DYM: variants seen among roughly 807,000 people sequenced by gnomAD.
DYM encodes the protein dyggve-Melchior-Clausen syndrome protein.
In DYM, 78 loss-of-function variants were observed where a neutral mutation model predicts 93.1. The ratio of observed to expected loss-of-function variants is 0.84; its 90% CI spans 0.70 to 1.01. The LOEUF (loss-of-function observed/expected upper bound fraction) is 1.01, where lower values mean the gene tolerates loss of function less well. Among genes scored for constraint, DYM ranks in the 50% least tolerant of loss-of-function variants. The pLI is 0.00. For synonymous variants in DYM, 321 were observed against 319.7 expected (o/e 1.00, Z -0.04); for missense variants, 789 against 845.0 (o/e 0.93, Z 0.82).
At chr18:49,317,697 CTT>C (rs2062122176) in intron 8 of DYM, among the ~76,000 whole-genome samples, 1 of 145,132 alleles carries the variant, frequency 6.9e-6, no homozygotes, top group Admixed American at 7.1e-5. Context: ...TCCTTTCTTT[CTT>C]TCTTTCAAGC....
intron 13 of DYM, among the ~76,000 whole-genome samples, chr18:49,220,340 T>G (rs1334238277): frequency 1.3e-5 from 2 of 148,800 alleles, no homozygotes; most frequent in Non-Finnish European, 3.0e-5. Flanking sequence ...CAAGGTAATT[T>G]ACAGATTCAA....
chr18:49,314,263 G>T (rs1367361201), intron 8 of DYM, among the ~76,000 whole-genome samples: 1 of 152,154 alleles, frequency 6.6e-6, no homozygotes, highest in African/African-American at 2.4e-5. Context: ...TTTTCAAGCT[G>T]CTTTTCACTC....
chr18:49,393,103 A>AG (rs2069575146), intron 2 of DYM, among the ~76,000 whole-genome samples: 28 of 1,986 alleles, frequency 0.014, 3 homozygotes, highest in South Asian at 0.083. Flanking sequence ...GAAGGAAGGA[A>AG]GGAAGGAAGG....
intron 17 of DYM, among the ~76,000 whole-genome samples, chr18:49,067,403 TGTG>T (rs2076528502): frequency 5.9e-4 from 1 of 1,692 alleles, no homozygotes; most frequent in Non-Finnish European, 9.8e-4. Flanking sequence ...AGTAGGGTGA[TGTG>T]AGTGTTATGG....
chr18:49,076,541 G>A (rs2077322463), intron 17 of DYM, among the ~76,000 whole-genome samples: 2 of 152,154 alleles, frequency 1.3e-5, no homozygotes, highest in South Asian at 4.1e-4. Context: ...ACAGTATAAA[G>A]TGCTGCATGT....
intron 13 of DYM, among the ~76,000 whole-genome samples, chr18:49,226,235 C>T (rs987982937): frequency 6.6e-6 from 1 of 152,148 alleles, no homozygotes. Flanking sequence ...AAGTATACCA[C>T]TGTCCCTTGT....
At chr18:49,218,861 C>T (rs959678703) in intron 13 of DYM, among the ~76,000 whole-genome samples, 12 of 152,158 alleles carry the variant, frequency 7.9e-5, no homozygotes, top group African/African-American at 2.6e-4. Flanking sequence ...GAAGCAAGAG[C>T]AAACACATTC....
At chr18:49,112,591 C>A (rs2081521442) in intron 16 of DYM, among the ~76,000 whole-genome samples, 1 of 152,054 alleles carries the variant, frequency 6.6e-6, no homozygotes, top group African/African-American at 2.4e-5. Flanking sequence ...ACCTCTTTTT[C>A]TCTTTGTTAG....
Position 49,210,712 on chromosome 18 carries a change from T to C in DYM, c.1461-997A>G, listed in dbSNP as rs1009479719. ...TGTAGTTTGGATGATTATGTGTCAA[T>C]GCAGTTTCATCAACTATAACAAATA... is the stretch of plus-strand genomic sequence containing the variant. On this transcript the variant is annotated intron_variant, in intron 13 of 17. Coordinates refer to ENST00000675505, the MANE Select transcript of DYM (RefSeq NM_001353214.3). 1.1e-4 allele frequency among the ~76,000 whole-genome samples: 16 copies of C among 152,190 alleles called. 1 individual carries two copies. The highest frequency in any genetic ancestry group is 2.2e-4 in the Non-Finnish European group (15 of 68,038).
At chr18:49,370,221 T>C (rs1364815681) in intron 5 of DYM, among the ~76,000 whole-genome samples, 1 of 147,682 alleles carries the variant, frequency 6.8e-6, no homozygotes, top group African/African-American at 2.6e-5. Flanking sequence ...GAGGTTGCAG[T>C]GAGCCAAGGT....
chr18:49,367,371 G>A (rs187229497), intron 5 of DYM, among the ~76,000 whole-genome samples: 1 of 152,150 alleles, frequency 6.6e-6, no homozygotes, highest in African/African-American at 2.4e-5. Flanking sequence ...ATGATATCTA[G>A]GGTCCCTTAA....
intron 17 of DYM, among the ~76,000 whole-genome samples, chr18:49,058,873 A>C (rs1436535386): frequency 6.6e-6 from 1 of 152,082 alleles, no homozygotes; most frequent in Admixed American, 6.5e-5. Context: ...TTTAAATCAA[A>C]ATTTGTTATA....
intron 16 of DYM, among the ~76,000 whole-genome samples, chr18:49,108,653 T>C (rs929329511): frequency 1.3e-5 from 2 of 152,260 alleles, no homozygotes; most frequent in Admixed American, 1.3e-4. Flanking sequence ...TACGGCCCCA[T>C]ACATGGTCTC....
chr18:49,226,363 A>G (rs2093532220), intron 13 of DYM, among the ~76,000 whole-genome samples: 1 of 152,142 alleles, frequency 6.6e-6, no homozygotes, highest in Admixed American at 6.6e-5. Context: ...CAAAGCAACT[A>G]TTTAAAAAGA....
intron 2 of DYM, among the ~76,000 whole-genome samples, chr18:49,423,488 G>A (rs1161702557): frequency 6.6e-6 from 1 of 152,188 alleles, no homozygotes; most frequent in Non-Finnish European, 1.5e-5. Flanking sequence ...AAAAGAACTA[G>A]AGAAGCAAGA....
intron 15 of DYM, among the ~76,000 whole-genome samples, chr18:49,152,767 T>G (rs1192418807): frequency 6.6e-6 from 1 of 152,180 alleles, no homozygotes; most frequent in Non-Finnish European, 1.5e-5. Context: ...GTGGTGCATA[T>G]CCACAATGGA....
At chr18:49,449,147 A>C (rs901767583) in intron 1 of DYM, among the ~76,000 whole-genome samples, 1 of 152,206 alleles carries the variant, frequency 6.6e-6, no homozygotes, top group African/African-American at 2.4e-5. Context: ...TCCTCTTTGC[A>C]AGACCTTAGG....
intron 6 of DYM, among the ~76,000 whole-genome samples, chr18:49,352,606 T>G (rs531128226): frequency 9.8e-5 from 15 of 152,310 alleles, no homozygotes; most frequent in Admixed American, 5.2e-4. Context: ...ATAATTTCAG[T>G]GTGTGTAACT....
intron 15 of DYM, among the ~76,000 whole-genome samples, chr18:49,151,309 G>A (rs2085791073): frequency 6.6e-6 from 1 of 152,102 alleles, no homozygotes; most frequent in South Asian, 2.1e-4. Flanking sequence ...AGAAATCCGT[G>A]AAATTTCCAG....
Sources: allele counts gnomAD v4.1 joint callset (sites outside exome capture counted in the v4.1 genomes callset), GRCh38; gene constraint gnomAD v4.1.1; transcripts MANE v1.5; gene names NCBI Gene and HGNC (gene_info 2026-07-23, HGNC 2026-07-21).